Variants in NEGR1 observed in about 807,000 individuals in gnomAD.
NEGR1 encodes the protein neuronal growth regulator 1, also known as IgLON family member 4.
Under a neutral mutation model 40.9 loss-of-function variants are expected in NEGR1, and 10 were observed. The ratio of observed to expected loss-of-function variants is 0.24; its 90% CI spans 0.15 to 0.42. NEGR1 has a LOEUF of 0.42. Among genes scored for constraint, NEGR1 ranks in the 10% least tolerant of loss-of-function variants. NEGR1 has a pLI of 1.00. For synonymous variants in NEGR1, 185 were observed against 166.8 expected (o/e 1.11, Z -0.84); for missense variants, 352 against 438.9 (o/e 0.80, Z 1.77).
At chr1:71,721,698 T>C (rs1427022303) in intron 3 of NEGR1, among the ~76,000 whole-genome samples, 1 of 152,084 alleles carries the variant, frequency 6.6e-6, no homozygotes, top group Non-Finnish European at 1.5e-5. Flanking sequence ...CTCAACAATT[T>C]TGTAAGCATT....
At chr1:71,809,864 A>G (rs1357640648) in intron 2 of NEGR1, among the ~76,000 whole-genome samples, 2 of 152,170 alleles carry the variant, frequency 1.3e-5, no homozygotes, top group Non-Finnish European at 2.9e-5. Flanking sequence ...TGAAAGTCTT[A>G]CCAACCTGTG....
intron 2 of NEGR1, among the ~76,000 whole-genome samples, chr1:71,778,356 A>G (rs1656584558): frequency 6.6e-6 from 1 of 152,138 alleles, no homozygotes; most frequent in Admixed American, 6.5e-5. Flanking sequence ...TTGATAATCT[A>G]CATGAAATAT....
chr1:72,133,280 T>C (rs544371373), intron 1 of NEGR1, among the ~76,000 whole-genome samples: 17 of 152,244 alleles, frequency 1.1e-4, no homozygotes, highest in African/African-American at 3.4e-4. Flanking sequence ...TCTTTTGATA[T>C]GCATTGGTGA....
chr1:71,999,632 A>AAT (rs528857972), intron 1 of NEGR1, among the ~76,000 whole-genome samples: 623 of 48,162 alleles, frequency 0.013, 47 homozygotes, highest in African/African-American at 0.023. Context: ...GAGCAAAGCA[A>AAT]ATATATATAT....
intron 1 of NEGR1, among the ~76,000 whole-genome samples, chr1:71,947,456 CA>C (rs1270008872): frequency 6.6e-6 from 1 of 151,270 alleles, no homozygotes; most frequent in African/African-American, 2.5e-5. Flanking sequence ...AGGGATACAA[CA>C]AACAATTACA....
chr1:71,407,507 A>G lies in NEGR1; in HGVS notation c.1004T>C (p.Leu335Pro), dbSNP rs1235300178. ...GGTGAAAGAGGACAGTGTCAACACA[A>G]GGTACCAGCAGGAGAAAAGAACATC... The part of the protein sequence containing the change: ...SADVLFSCWY[L>P]VLTLSSFTSI... Residue 335 changes from leucine (L) to proline (P), a missense_variant, in exon 7 of 7, where the codon CTT becomes CCT. Around this residue, in one of 5 missense-constraint regions of NEGR1, gnomAD observed 184 missense variants for 208.7 expected, o/e 0.88. Coordinates refer to ENST00000357731, the MANE Select transcript of NEGR1 (RefSeq NM_173808.3). 3 of 1,611,312 alleles carry G rather than the reference A, an allele frequency of 1.9e-6. No individual in the cohort carries two copies. The highest frequency in any genetic ancestry group is 2.5e-6 in the Non-Finnish European group (3 of 1,177,734).
chr1:71,860,831 A>C (rs958862626), intron 2 of NEGR1, among the ~76,000 whole-genome samples: 1 of 152,074 alleles, frequency 6.6e-6, no homozygotes, highest in Non-Finnish European at 1.5e-5. Context: ...CCAAGTCATA[A>C]AGCATTTCTG....
At chr1:72,218,246 A>C (rs1653891162) in intron 1 of NEGR1, among the ~76,000 whole-genome samples, 1 of 152,056 alleles carries the variant, frequency 6.6e-6, no homozygotes, top group Non-Finnish European at 1.5e-5. Flanking sequence ...GGAAGACATA[A>C]ATTGTCATTA....
intron 6 of NEGR1, among the ~76,000 whole-genome samples, chr1:71,499,354 G>A (rs929954536): frequency 6.6e-6 from 1 of 151,258 alleles, no homozygotes; most frequent in African/African-American, 2.4e-5. Flanking sequence ...CTAGTGCAGA[G>A]AAGGCAAAGA....
intron 6 of NEGR1, among the ~76,000 whole-genome samples, chr1:71,580,859 T>C (rs1177304374): frequency 1.3e-5 from 2 of 152,160 alleles, no homozygotes; most frequent in Non-Finnish European, 2.9e-5. Flanking sequence ...GGAGAAATTG[T>C]GTTCTCCTTT....
At chr1:72,002,188 C>T (rs1463362159) in intron 1 of NEGR1, among the ~76,000 whole-genome samples, 1 of 151,944 alleles carries the variant, frequency 6.6e-6, no homozygotes, top group African/African-American at 2.4e-5. Context: ...CATTTCCTTC[C>T]TGCCTTTACA....
chr1:71,823,202 CA>C (rs1289112334), intron 2 of NEGR1, among the ~76,000 whole-genome samples: 42 of 96,932 alleles, frequency 4.3e-4, no homozygotes, highest in African/African-American at 1.8e-3. Flanking sequence ...ATTTCTGCAT[CA>C]TTTTTTTTTT....
intron 6 of NEGR1, among the ~76,000 whole-genome samples, chr1:71,521,841 A>G (rs1197469238): frequency 2.0e-5 from 3 of 152,004 alleles, no homozygotes; most frequent in Non-Finnish European, 2.9e-5. Context: ...AGCAGAGAAT[A>G]TAGCCCAGAG....
intron 2 of NEGR1, among the ~76,000 whole-genome samples, chr1:71,845,185 A>G (rs962968912): frequency 1.3e-5 from 2 of 152,196 alleles, no homozygotes; most frequent in African/African-American, 4.8e-5. Context: ...TAGCGCTCAG[A>G]GAGTGTAGCT....
chr1:71,902,771 C>T (rs1661175120), intron 2 of NEGR1, among the ~76,000 whole-genome samples: 1 of 151,744 alleles, frequency 6.6e-6, no homozygotes, highest in African/African-American at 2.4e-5. Flanking sequence ...AAGGAATATA[C>T]AATGTTTAAA....
chr1:71,795,347 T>C lies in NEGR1; in HGVS notation c.410-19050A>G, dbSNP rs1373158651. 7.2e-5 allele frequency among the ~76,000 whole-genome samples: 11 copies of C among 152,078 alleles called. No homozygotes were observed. In the East Asian group the frequency reaches 1.5e-3, roughly 21 times the overall value. On this transcript the variant is annotated intron_variant, in intron 2 of 6. Transcript: ENST00000357731. The stretch of plus-strand genomic sequence containing the variant: ...GCTGCAACTTAACAAGATCTGTAGA[T>C]AATTTATATCTACATTAAAGTTTGA...
intron 2 of NEGR1, among the ~76,000 whole-genome samples, chr1:71,839,865 T>G (rs553479880): frequency 5.3e-5 from 8 of 152,284 alleles, no homozygotes; most frequent in Non-Finnish European, 1.0e-4. Context: ...ATTGTCATTC[T>G]TTGAAGGACA....
At chr1:71,659,451 A>G (rs1403086572) in intron 4 of NEGR1, among the ~76,000 whole-genome samples, 1 of 152,204 alleles carries the variant, frequency 6.6e-6, no homozygotes, top group Non-Finnish European at 1.5e-5. Context: ...ACCAAAAGCA[A>G]TCACAAACAA....
intron 1 of NEGR1, among the ~76,000 whole-genome samples, chr1:71,956,252 T>G (rs891706194): frequency 6.6e-5 from 10 of 152,152 alleles, no homozygotes; most frequent in African/African-American, 2.4e-4. Context: ...GTGTCTGACA[T>G]TTACCAAATG....
Sources: gnomAD v4.1 joint callset for allele counts (sites outside exome capture counted in the v4.1 genomes callset) on GRCh38, gnomAD v4.1.1 for gene constraint, gnomAD v4.1.1 regional missense constraint, MANE v1.5 for transcripts, NCBI Gene and HGNC (gene_info 2026-07-23, HGNC 2026-07-21) for gene names.